Variants in SPRY3 observed in about 807,000 individuals in gnomAD.
SPRY3 encodes the protein protein sprouty homolog 3.
SPRY3 carries 15 observed loss-of-function variants against 20.2 expected under a neutral mutation model. That is an observed-to-expected ratio of 0.74 (90% CI 0.50 to 1.14). SPRY3 has a LOEUF of 1.14. SPRY3 is among the 50% of genes most tolerant of loss of function. The pLI is 0.00. For synonymous variants in SPRY3, 143 were observed against 136.5 expected (o/e 1.05, Z -0.33); for missense variants, 364 against 363.9 (o/e 1.00, Z 0.00).
At chrX:155,755,005 G>T (rs113308388) in intron 2 of SPRY3, among the ~76,000 whole-genome samples, 20,456 of 151,396 alleles carry the variant, frequency 0.14, 1,425 homozygotes, top group South Asian at 0.21. Context: ...TGCTATGGAA[G>T]TTTGTTACAA....
At chrX:155,713,144 C>A (rs1471959222) in intron 2 of SPRY3, among the ~76,000 whole-genome samples, 1 of 151,848 alleles carries the variant, frequency 6.6e-6, no homozygotes, top group Non-Finnish European at 1.5e-5. Context: ...GTAGAACGTG[C>A]AGGTTTGATA....
At chrX:155,617,698 A>G (rs1327848594) in intron 1 of SPRY3, among the ~76,000 whole-genome samples, 1 of 111,772 alleles carries the variant, frequency 8.9e-6, no homozygotes, top group East Asian at 2.8e-4. Flanking sequence ...CAAAACTTTA[A>G]AAAGAGGAGG....
Position 155,773,749 on chromosome X carries a change from T to G in SPRY3, c.-106-17T>G. On this transcript the variant is annotated splice_polypyrimidine_tract_variant and intron_variant, in intron 3 of 3. Coordinates refer to ENST00000675360, the Ensembl canonical transcript of SPRY3. ...CCTGTGTGTTCTCATTTACTGTTTT[T>G]ATGCCTTCTCTCCTAGGATTTTCTC... 8.5e-7 allele frequency: 1 copy of G among 1,178,874 alleles called. No individual in the cohort carries two copies. The highest frequency in any genetic ancestry group is 1.5e-5 in the South Asian group (1 of 67,618). The allele number at this position is 1,178,874 out of a possible 1,614,324, so 73.0% of individuals were successfully genotyped here. A position where few individuals can be genotyped will look rare whatever the true frequency, so the allele number is the denominator to read the frequency against.
chrX:155,723,290 A>G (rs755192820), intron 2 of SPRY3, among the ~76,000 whole-genome samples: 1 of 152,276 alleles, frequency 6.6e-6, no homozygotes, highest in East Asian at 1.9e-4. Context: ...TCCTTTAGGT[A>G]TATACCCAGT....
chrX:155,642,541 C>T (rs1557351530), intron 1 of SPRY3, among the ~76,000 whole-genome samples: 2 of 110,718 alleles, frequency 1.8e-5, no homozygotes, highest in East Asian at 2.8e-4. Context: ...TTTACTCTTG[C>T]TTTTCTAGTT....
intron 3 of SPRY3, among the ~76,000 whole-genome samples, chrX:155,769,421 T>C (rs1289639133): frequency 6.6e-6 from 1 of 152,168 alleles, no homozygotes. Context: ...CCTTTTATTT[T>C]GCAGATGAAG....
chrX:155,626,866 T>C (rs782696500), intron 1 of SPRY3, among the ~76,000 whole-genome samples: 7 of 111,547 alleles, frequency 6.3e-5, no homozygotes, highest in Non-Finnish European at 1.3e-4. Context: ...TGAGAAAGCA[T>C]TAGAATTTGA....
At chrX:155,751,948 TAAAATAAAATAAAATAA>T in intron 2 of SPRY3, among the ~76,000 whole-genome samples, 1 of 121,256 alleles carries the variant, frequency 8.2e-6, no homozygotes, top group Middle Eastern at 4.0e-3. Flanking sequence ...TAAAATAAAA[TAAAATAAAATAAAATAA>T]AATAAAATAA....
At chrX:155,773,340 A>ATATG (rs2091395864) in intron 3 of SPRY3, among the ~76,000 whole-genome samples, 1 of 144,476 alleles carries the variant, frequency 6.9e-6, no homozygotes, top group South Asian at 2.2e-4. Flanking sequence ...ATATATATAT[A>ATATG]TGAGCAACTT....
chrX:155,678,883 C>A (rs922995054), intron 2 of SPRY3, among the ~76,000 whole-genome samples: 2 of 111,762 alleles, frequency 1.8e-5, no homozygotes, highest in Non-Finnish European at 3.8e-5. Flanking sequence ...TCTGATCAGT[C>A]TTGAGAGGAC....
At chrX:155,744,368 G>C (rs2091216411) in intron 2 of SPRY3, among the ~76,000 whole-genome samples, 1 of 152,048 alleles carries the variant, frequency 6.6e-6, no homozygotes, top group Admixed American at 6.6e-5. Context: ...TCCTGAGGCA[G>C]TTTGTGTAAA....
intron 2 of SPRY3, among the ~76,000 whole-genome samples, chrX:155,676,062 CTT>C (rs1475563422): frequency 9.0e-6 from 1 of 110,677 alleles, no homozygotes; most frequent in African/African-American, 3.3e-5. Flanking sequence ...GAAAATTTCT[CTT>C]ATTTTTTTTT....
At chrX:155,774,068 T>G in exon 4 of SPRY3, 1 of 1,613,934 alleles carries the variant, frequency 6.2e-7, no homozygotes, top group Non-Finnish European at 8.5e-7. Context: ...CCCCGCAGTC[T>G]CAGCCAGTGC....
chrX:155,613,839 C>G (rs2067840645), intron 1 of SPRY3, among the ~76,000 whole-genome samples: 1 of 111,201 alleles, frequency 9.0e-6, no homozygotes, highest in Non-Finnish European at 1.9e-5. Flanking sequence ...CAATGGATCT[C>G]GTACAGGCCT....
chrX:155,697,548 T>A (rs1004467869), intron 2 of SPRY3, among the ~76,000 whole-genome samples: 3 of 108,040 alleles, frequency 2.8e-5, no homozygotes, highest in African/African-American at 1.0e-4. Context: ...CACATATATA[T>A]CTGATTGTGG....
intron 2 of SPRY3, among the ~76,000 whole-genome samples, chrX:155,728,354 C>G (rs1433905442): frequency 1.3e-5 from 2 of 152,204 alleles, no homozygotes; most frequent in East Asian, 3.9e-4. Flanking sequence ...AGTTGTCAGA[C>G]AGGGACATTT....
At chrX:155,731,501 T>C (rs61469615) in intron 2 of SPRY3, among the ~76,000 whole-genome samples, 1,526 of 152,140 alleles carry the variant, frequency 0.01, 29 homozygotes, top group African/African-American at 0.035. Context: ...TGTACAAAAA[T>C]AAAATCTAAA....
intron 2 of SPRY3, among the ~76,000 whole-genome samples, chrX:155,752,022 A>T (rs1200377184): frequency 1.3e-5 from 2 of 151,492 alleles, no homozygotes; most frequent in Non-Finnish European, 3.0e-5. Flanking sequence ...GAAGAAATCA[A>T]ATAATGGACT....
intron 1 of SPRY3, among the ~76,000 whole-genome samples, chrX:155,637,061 C>T (rs1462810579): frequency 1.0e-5 from 1 of 99,823 alleles, no homozygotes; most frequent in Non-Finnish European, 2.0e-5. Flanking sequence ...GGAGGGATAG[C>T]ATTGGGAGAT....
Sources: gnomAD v4.1 joint callset for allele counts (sites outside exome capture counted in the v4.1 genomes callset) on GRCh38, gnomAD v4.1.1 for gene constraint, MANE v1.5 for transcripts, NCBI Gene and HGNC (gene_info 2026-07-23, HGNC 2026-07-21) for gene names.